The following DNAI2 variants were observed in gnomAD, a reference collection of about 807,000 sequenced individuals.
The protein encoded by DNAI2 is dynein, axonemal, intermediate polypeptide 2.
A neutral mutation model predicts 74.7 loss-of-function variants in DNAI2; 63 were observed. The observed-to-expected ratio is 0.84, with a 90% CI of 0.69 to 1.04. The LOEUF (loss-of-function observed/expected upper bound fraction) is 1.04, where lower values mean the gene tolerates loss of function less well. DNAI2 is among the 50% of genes least tolerant of loss of function. The pLI is 0.00. For synonymous variants in DNAI2, 289 were observed against 314.9 expected (o/e 0.92, Z 0.87); for missense variants, 688 against 803.2 (o/e 0.86, Z 1.73).
At chr17:74,295,675 TG>T (rs2052383925) in intron 6 of DNAI2, among the ~76,000 whole-genome samples, 2 of 152,172 alleles carry the variant, frequency 1.3e-5, no homozygotes, top group African/African-American at 4.8e-5. Context: ...CTATACTTTT[TG>T]TATGATTTAA....
At chr17:74,297,777 C>G (rs2052535011) in intron 6 of DNAI2, among the ~76,000 whole-genome samples, 1 of 151,948 alleles carries the variant, frequency 6.6e-6, no homozygotes, top group African/African-American at 2.4e-5. Flanking sequence ...TCCCCTGAAC[C>G]TGGAGTCGCC....
At chr17:74,309,732 G>T (rs1444758940) in intron 10 of DNAI2, 2 of 631,596 alleles carry the variant, frequency 3.2e-6, no homozygotes, top group Non-Finnish European at 5.7e-6. Context: ...ATGTCAGGGT[G>T]GCCAGAGCTG....
chr17:74,304,173 CTTTTTCTTTTTTCTTT>C (rs2053035131), intron 8 of DNAI2, among the ~76,000 whole-genome samples: 1 of 111,076 alleles, frequency 9.0e-6, no homozygotes, highest in South Asian at 3.2e-4. Flanking sequence ...TTTCTTTTTT[CTTTTTCTTTTTTCTTT>C]TTTTTTTTTT....
intron 9 of DNAI2, 59 bp from the exon 10 acceptor site, chr17:74,309,194 C>A (rs1567874836): frequency 6.2e-7 from 1 of 1,604,986 alleles, no homozygotes; most frequent in Admixed American, 1.7e-5. Flanking sequence ...ACCAAGTGAG[C>A]CAAGCTGTGG....
chr17:74,289,813 G>T, intron 5 of DNAI2, 77 bp downstream of exon 5: 2 of 1,595,362 alleles, frequency 1.3e-6, no homozygotes, highest in Non-Finnish European at 1.7e-6. Context: ...CGGGAGGGAG[G>T]GGCAGGAGGT....
intron 9 of DNAI2, among the ~76,000 whole-genome samples, chr17:74,307,026 T>C (rs1338731472): frequency 6.6e-6 from 1 of 152,224 alleles, no homozygotes; most frequent in Non-Finnish European, 1.5e-5. Context: ...AACCCCAGGC[T>C]TGTGACTCAG....
chr17:74,301,323 A>T lies in DNAI2; in HGVS notation c.987+155A>T, dbSNP rs56790193. On this transcript the variant is annotated intron_variant, in intron 8 of 13. Coordinates refer to ENST00000311014, the MANE Select transcript of DNAI2 (RefSeq NM_023036.6). Reference sequence around the variant, plus strand: ...GCCATCCTAGACGTGTGTGGCCTTTACAACAACTTTCCAGCAGGGGGCAGC... The same window carrying T: ...GCCATCCTAGACGTGTGTGGCCTTTTCAACAACTTTCCAGCAGGGGGCAGC... Among the ~76,000 whole-genome samples, 784 of 152,302 alleles carry T rather than the reference A, an allele frequency of 5.1e-3. 10 individuals are homozygous for T. The highest frequency in any genetic ancestry group is 0.018 in the African/African-American group (736 of 41,574).
chr17:74,305,136 C>G (rs2053106415), intron 8 of DNAI2, 83 bp from the exon 9 acceptor site: 8 of 1,460,528 alleles, frequency 5.5e-6, no homozygotes, highest in Non-Finnish European at 7.6e-6. Flanking sequence ...TGCAGACCCC[C>G]CAAGCAAGCT....
chr17:74,281,853 C>T lies in DNAI2; in HGVS notation c.36C>T (p.Ser12=), dbSNP rs1010691751. 3 of 1,613,970 alleles carry T rather than the reference C, an allele frequency of 1.9e-6. No individual in the cohort carries two copies. Among genetic ancestry groups the T allele is most frequent in the Admixed American group, 3.3e-5 (2 of 59,996 alleles). Residue 12 remains serine (S), a synonymous_variant, in exon 2 of 14, where the codon AGC becomes AGT. Coordinates refer to ENST00000311014, the MANE Select transcript of DNAI2 (RefSeq NM_023036.6). The part of the protein sequence containing the change: ...EIVYVYVKKR[S]EFGKQCNFSD... ...TGTACGTGTACGTCAAGAAGCGCAG[C>T]GAGTTCGGGAAGCAGTGCAATTTCT...
intron 9 of DNAI2, among the ~76,000 whole-genome samples, chr17:74,306,521 G>A (rs2053199269): frequency 6.6e-6 from 1 of 152,050 alleles, no homozygotes; most frequent in Non-Finnish European, 1.5e-5. Context: ...ACAGACTCCT[G>A]CAACGTCAAA....
intron 8 of DNAI2, among the ~76,000 whole-genome samples, chr17:74,303,655 T>G (rs1238959815): frequency 6.7e-6 from 1 of 150,072 alleles, no homozygotes; most frequent in African/African-American, 2.5e-5. Context: ...TGCAGTGACA[T>G]GATCTTGGCT....
At chr17:74,303,881 T>C (rs1443731470) in intron 8 of DNAI2, among the ~76,000 whole-genome samples, 1 of 152,084 alleles carries the variant, frequency 6.6e-6, no homozygotes, top group Non-Finnish European at 1.5e-5. Flanking sequence ...ATCCCAGCAC[T>C]TTGGGAAGCC....
chr17:74,284,025 C>T (rs891559093), intron 2 of DNAI2, among the ~76,000 whole-genome samples: 6 of 151,776 alleles, frequency 4.0e-5, no homozygotes, highest in Admixed American at 3.9e-4. Flanking sequence ...GTAATCCCAG[C>T]TACTGGGGAG....
chr17:74,285,669 T>C (rs1410209137), intron 3 of DNAI2, among the ~76,000 whole-genome samples: 1 of 152,076 alleles, frequency 6.6e-6, no homozygotes, highest in Non-Finnish European at 1.5e-5. Context: ...ATACATCCTG[T>C]CCCAAAGAGA....
At chr17:74,295,268 G>A (rs12943749) in intron 6 of DNAI2, among the ~76,000 whole-genome samples, 21,437 of 143,290 alleles carry the variant, frequency 0.15, 1,808 homozygotes, top group Non-Finnish European at 0.2. Context: ...CAGGTGAGGT[G>A]GAGTGCACCT....
At chr17:74,291,157 T>C (rs2052071041) in intron 6 of DNAI2, 24 bp downstream of exon 6, 1 of 1,518,696 alleles carries the variant, frequency 6.6e-7, no homozygotes, top group Non-Finnish European at 9.1e-7. Context: ...TAGGCTTTTT[T>C]ATTTTTATTT....
At chr17:74,282,233 G>A (rs1251361972) in intron 2 of DNAI2, among the ~76,000 whole-genome samples, 1 of 152,128 alleles carries the variant, frequency 6.6e-6, no homozygotes, top group African/African-American at 2.4e-5. Context: ...AAATCACAAT[G>A]TTCCCTCTCC....
rs143470009 is a variant in DNAI2, at chr17:74,305,424, C to T, written c.1193C>T (p.Ser398Leu). ...ATTTGGTCTGAAGACAGCCGGGAAT[C>T]GTCCATCATGTGGACCAAGTAAGAG... ...ARIWSEDSRE[S>L]SIMWTKYHMA... Residue 398 changes from serine to leucine, a missense_variant, in exon 9 of 14, where the codon TCG (serine) becomes TTG (leucine). Physicochemically the swap from Ser to Leu is moderately radical, Grantham distance 145 (BLOSUM62 -2). Transcript: ENST00000311014. 9.3e-6 allele frequency: 15 copies of T among 1,613,944 alleles called. No homozygotes were observed. The South Asian group carries it at 9.9e-5, about 11-fold the overall frequency.
intron 6 of DNAI2, among the ~76,000 whole-genome samples, chr17:74,298,224 C>T (rs1395154052): frequency 1.3e-5 from 2 of 152,244 alleles, no homozygotes; most frequent in East Asian, 3.8e-4. Context: ...CCCTCTAGGG[C>T]CATGTGGGAC....
Sources: gnomAD v4.1 joint callset for allele counts (sites outside exome capture counted in the v4.1 genomes callset) on GRCh38, gnomAD v4.1.1 for gene constraint, MANE v1.5 for transcripts, NCBI Gene and HGNC (gene_info 2026-07-23, HGNC 2026-07-21) for gene names.